KMT2C: variants seen among roughly 807,000 people sequenced by gnomAD.
KMT2C encodes lysine methyltransferase 2C, also known as histone-lysine N-methyltransferase 2C.
Under a neutral mutation model 507.9 loss-of-function variants are expected in KMT2C, and 88 were observed. The observed-to-expected ratio is 0.17, with a 90% confidence interval of 0.15 to 0.21. The LOEUF (loss-of-function observed/expected upper bound fraction) is 0.21. KMT2C is among the 10% of genes least tolerant of loss of function. The probability of loss-of-function intolerance (pLI) is 1.00; values close to 1 mark genes in which losing one functional copy is unlikely to be tolerated. For synonymous variants in KMT2C, 2,049 were observed against 2,080.8 expected (o/e 0.98, Z 0.42); for missense variants, 4,954 against 5,957.8 (o/e 0.83, Z 5.55).
intron 55 of KMT2C, among the ~76,000 whole-genome samples, chr7:152,142,514 CTT>C (rs2090683585): frequency 1.3e-5 from 2 of 152,296 alleles, no homozygotes; most frequent in South Asian, 2.1e-4. Context: ...CAGTAAGAGA[CTT>C]TTTAGAAAAC....
intron 1 of KMT2C, among the ~76,000 whole-genome samples, chr7:152,401,734 C>T (rs1429243334): frequency 2.6e-5 from 4 of 152,146 alleles, no homozygotes; most frequent in African/African-American, 4.8e-5. Context: ...GAGTACAATA[C>T]AGCGCATAAC....
chr7:152,295,967 C>T (rs537460488), intron 6 of KMT2C, among the ~76,000 whole-genome samples: 2 of 148,144 alleles, frequency 1.4e-5, no homozygotes, highest in East Asian at 4.1e-4. Flanking sequence ...ACTCGGGAGG[C>T]TGAGGCAGGA....
Position 152,330,855 on chromosome 7 carries a change from A to C in KMT2C, c.251-116T>G, listed in dbSNP as rs1481625027. The C allele has an allele frequency of 5.2e-6, 5 of 962,590 alleles. No homozygotes were observed. In the African/African-American group the frequency reaches 8.1e-5, roughly 16 times the overall value. The allele number at this position is 962,590 out of a possible 1,614,324, so 59.6% of individuals were successfully genotyped here. Reference sequence around the variant, plus strand: ...GTAAAAAGAAACAACAAATAACAATATTTCACTAACACAAGAAAAGTTCAT... The same window carrying C: ...GTAAAAAGAAACAACAAATAACAATCTTTCACTAACACAAGAAAAGTTCAT... On this transcript the variant is annotated intron_variant, in intron 2 of 58. Transcript: ENST00000262189.
intron 27 of KMT2C, among the ~76,000 whole-genome samples, chr7:152,198,502 T>G (rs1305706024): frequency 6.6e-6 from 1 of 152,138 alleles, no homozygotes; most frequent in Non-Finnish European, 1.5e-5. Context: ...GAACAATGAT[T>G]TACAATTGAC....
At chr7:152,140,320 T>C (rs935890523) in intron 55 of KMT2C, among the ~76,000 whole-genome samples, 1 of 152,062 alleles carries the variant, frequency 6.6e-6, no homozygotes, top group African/African-American at 2.4e-5. Flanking sequence ...ATCAGGAATG[T>C]TGGAAACAAA....
chr7:152,431,385 T>G (rs2097861194), intron 1 of KMT2C, among the ~76,000 whole-genome samples: 2 of 151,562 alleles, frequency 1.3e-5, no homozygotes, highest in Admixed American at 1.3e-4. Context: ...GATCATGAGG[T>G]CAAGAGATTG....
intron 43 of KMT2C, among the ~76,000 whole-genome samples, chr7:152,159,290 G>T (rs532905765): frequency 6.6e-6 from 1 of 152,208 alleles, no homozygotes; most frequent in Non-Finnish European, 1.5e-5. Flanking sequence ...TGCGAAGCTT[G>T]AGGAAAGAGC....
At chr7:152,316,672 C>G (rs1262814746) in intron 3 of KMT2C, among the ~76,000 whole-genome samples, 2 of 152,018 alleles carry the variant, frequency 1.3e-5, no homozygotes, top group Admixed American at 1.3e-4. Context: ...TTTGAGGTGA[C>G]TTTTTAAAAC....
At chr7:152,423,747 C>T (rs1007658479) in intron 1 of KMT2C, among the ~76,000 whole-genome samples, 1 of 152,180 alleles carries the variant, frequency 6.6e-6, no homozygotes, top group Non-Finnish European at 1.5e-5. Context: ...CTAGTCCTTA[C>T]TGATATACCC....
At position 152,221,981 on chromosome 7, in the gene KMT2C, T is replaced by G. The variant is rs558243908; in HGVS notation, c.3499+20A>C. 11 of 1,565,100 alleles carry G rather than the reference T, an allele frequency of 7.0e-6. No homozygotes were observed. In the Admixed American group the frequency reaches 1.8e-4, roughly 25 times the overall value. ...AGCAAAGTAAATTAATTAAATCAAG[T>G]AAAGCATTTCAAATTTTACCTAGCT... On this transcript the variant is annotated intron_variant, in intron 22 of 58. Coordinates refer to ENST00000262189, the MANE Select transcript of KMT2C (RefSeq NM_170606.3).
rs2095510328 is a variant in KMT2C, at chr7:152,248,362, G to A, written c.2072C>T (p.Ser691Phe). 6.2e-7 allele frequency: 1 copy of A among 1,613,966 alleles called. No homozygotes were observed. Reference sequence around the variant, plus strand: ...TAAGGTTTCTAGTGGAAGAGTGACAGATTCCATGACTAATTTTGGAGGCCT... The same window carrying A: ...TAAGGTTTCTAGTGGAAGAGTGACAAATTCCATGACTAATTTTGGAGGCCT... ...ESRPPKLVME[S>F]VTLPLETLVS... The change falls in exon 14 of 59, where the codon TCT becomes TTT. Residue 691 changes from serine (S) to phenylalanine (F), a missense_variant. Physicochemically the swap from Ser to Phe is radical, Grantham distance 155. Transcript: ENST00000262189.
chr7:152,330,302 A>G (rs765668091), intron 3 of KMT2C, among the ~76,000 whole-genome samples: 13 of 152,174 alleles, frequency 8.5e-5, no homozygotes, highest in Non-Finnish European at 1.6e-4. Context: ...ATTAATCCTC[A>G]TGCTAAATGC....
chr7:152,301,197 T>TAA (rs71533557), intron 6 of KMT2C, among the ~76,000 whole-genome samples: 17 of 132,566 alleles, frequency 1.3e-4, no homozygotes, highest in East Asian at 2.2e-4. Context: ...CCCTGTCTCC[T>TAA]AAAAAAAAAA....
rs781189696 is a variant in KMT2C at position 152,182,132 on chromosome 7, C to T, written c.5728G>A (p.Val1910Met). Residue 1910 changes from valine to methionine, a missense_variant, in exon 36 of 59, where the codon GTG (valine) becomes ATG (methionine). Physicochemically the swap from Val to Met is conservative, Grantham distance 21 (BLOSUM62 1). Coordinates refer to ENST00000262189, the MANE Select transcript of KMT2C (RefSeq NM_170606.3). ...TTTCTTCTGGAAAAACTATGGCCCA[C>T]AGGAGGTGGTCGAGGGGTACCAACC... ...KMVGTPRPPP[V>M]GHSFSRRNSA... is the part of the protein sequence containing the mutation. 1.9e-6 allele frequency: 3 copies of T among 1,614,174 alleles called. No individual in the cohort carries two copies. The highest frequency in any genetic ancestry group is 2.5e-6 in the Non-Finnish European group (3 of 1,180,032).
Position 152,181,130 on chromosome 7 carries a change from T to A in KMT2C, c.6730A>T (p.Met2244Leu). ...TRSSMTRPVL[M>L]PNQDPFLQAA... Reference sequence around the variant, plus strand: ...TGCAGGAAAGGATCCTGATTTGGCATGAGGACTGGTCTTGTCATTGAGGAC... The same window carrying A: ...TGCAGGAAAGGATCCTGATTTGGCAAGAGGACTGGTCTTGTCATTGAGGAC... Residue 2244 changes from methionine (M) to leucine (L), a missense_variant, in exon 36 of 59, where the codon ATG (methionine) becomes TTG (leucine). This residue lies in a region of KMT2C where 1,689 missense variants were observed against 1,654.3 expected (regional missense o/e 1.02). Transcript: ENST00000262189. 1 of 1,614,186 alleles carries A rather than the reference T, an allele frequency of 6.2e-7. No individual in the cohort carries two copies. The highest frequency in any genetic ancestry group is 8.5e-7 in the Non-Finnish European group (1 of 1,180,036).
intron 1 of KMT2C, among the ~76,000 whole-genome samples, chr7:152,424,687 G>C (rs775271059): frequency 1.3e-5 from 2 of 152,168 alleles, no homozygotes; most frequent in African/African-American, 2.4e-5. Flanking sequence ...GCCTCCCAGA[G>C]TGCTGGGACT....
At chr7:152,408,415 T>C (rs960433115) in intron 1 of KMT2C, among the ~76,000 whole-genome samples, 12 of 152,246 alleles carry the variant, frequency 7.9e-5, no homozygotes, top group Admixed American at 7.9e-4. Context: ...AAAAAAATTA[T>C]TCTAGAAGAT....
In KMT2C at chr7:152,150,958, C is replaced by T; in HGVS notation, c.12716G>A (p.Ser4239Asn). ...KRVEKDIVFC[S>N]NNCFILYSST... ...TGAATAAAGAATAAAGCAGTTATTA[C>T]TACAGAAGACAATGTCCTTCTCTAC... Residue 4239 changes from serine (S) to asparagine (N), a missense_variant, in exon 51 of 59, where the codon AGT (serine) becomes AAT (asparagine). By Grantham distance (46) the Ser-to-Asn change is conservative. Coordinates refer to ENST00000262189, the MANE Select transcript of KMT2C (RefSeq NM_170606.3). 5 of 1,613,594 alleles carry T rather than the reference C, an allele frequency of 3.1e-6. No homozygotes were observed. The highest frequency in any genetic ancestry group is 4.2e-6 in the Non-Finnish European group (5 of 1,179,696).
Position 152,136,078 on chromosome 7 carries a change from A to C in KMT2C, c.*754T>G, listed in dbSNP as rs2089853153. On this transcript the variant is annotated 3_prime_UTR_variant, in exon 59 of 59. Transcript: ENST00000262189. ...TCAAAATATTTACATATCTGTACAAAGTAACAGGGTTTGTTAGTTCTGCAG... is the reference window on the plus strand; with the variant it reads ...TCAAAATATTTACATATCTGTACAACGTAACAGGGTTTGTTAGTTCTGCAG... 4.6e-6 allele frequency: 1 copy of C among 217,724 alleles called. No individual in the cohort carries two copies. The highest frequency in any genetic ancestry group is 9.3e-6 in the Non-Finnish European group (1 of 108,014). The allele number at this position is 217,724 out of a possible 1,614,324, so 13.5% of individuals were successfully genotyped here.
Sources: allele counts gnomAD v4.1 joint callset (sites outside exome capture counted in the v4.1 genomes callset), GRCh38; gene constraint gnomAD v4.1.1; regional missense constraint gnomAD v4.1.1; transcripts MANE v1.5; gene names NCBI Gene and HGNC (gene_info 2026-07-23, HGNC 2026-07-21).